The following DMXL2 variants were observed in gnomAD, a reference collection of about 807,000 sequenced individuals.
DMXL2 encodes the protein dmX-like protein 2.
A neutral mutation model predicts 331.1 loss-of-function variants in DMXL2; 103 were observed. The ratio of observed to expected loss-of-function variants is 0.31; its 90% CI spans 0.27 to 0.37. The LOEUF is 0.37. DMXL2 is among the 10% of genes least tolerant of loss of function. The probability of loss-of-function intolerance (pLI) is 1.00; values close to 1 mark genes in which losing one functional copy is unlikely to be tolerated. For missense variants in DMXL2, 3,171 were observed against 3,642.9 expected (o/e 0.87, Z 3.33); for synonymous variants, 1,281 against 1,252.1 (o/e 1.02, Z -0.49).
intron 16 of DMXL2, among the ~76,000 whole-genome samples, chr15:51,505,209 TTA>T (rs1178580751): frequency 6.6e-6 from 1 of 152,336 alleles, no homozygotes; most frequent in East Asian, 1.9e-4. Context: ...GGATACACTG[TTA>T]AATCTGCAGC....
At chr15:51,495,231 A>G in intron 18 of DMXL2, 97 bp from the exon 19 acceptor site, 1 of 683,460 alleles carries the variant, frequency 1.5e-6, no homozygotes, top group East Asian at 2.9e-5. Flanking sequence ...GTCATAATTT[A>G]TATAAAATAC....
intron 13 of DMXL2, among the ~76,000 whole-genome samples, chr15:51,527,182 A>G (rs1174239653): frequency 1.3e-5 from 2 of 152,184 alleles, no homozygotes; most frequent in Non-Finnish European, 2.9e-5. Flanking sequence ...GAGCTCCAAT[A>G]CGTCTGGCGG....
chr15:51,512,087 T>G (rs1462257297), intron 15 of DMXL2, among the ~76,000 whole-genome samples: 4 of 152,060 alleles, frequency 2.6e-5, no homozygotes, highest in African/African-American at 9.7e-5. Flanking sequence ...AAATACCTAA[T>G]GTAGATGATG....
chr15:51,455,174 C>A lies in DMXL2; in HGVS notation c.8581G>T (p.Ala2861Ser). The A allele has an allele frequency of 6.2e-7, 1 of 1,614,022 alleles. No individual in the cohort carries two copies. Among genetic ancestry groups the A allele is most frequent in the Non-Finnish European group, 8.5e-7 (1 of 1,179,920 alleles). ...FLSIWQVNQT[A>S]SNPKPYMSWQ... is the part of the protein sequence containing the mutation. ...ACCATATAAGGTTTAGGATTTGATGCAGTTTGGTTAACTTGCCAGATACTC... is the reference window on the plus strand; with the variant it reads ...ACCATATAAGGTTTAGGATTTGATGAAGTTTGGTTAACTTGCCAGATACTC... The change falls in exon 40 of 44, where the codon GCA becomes TCA. Residue 2861 changes from alanine (A) to serine (S), a missense_variant. Physicochemically the swap from Ala to Ser is moderately conservative, Grantham distance 99. Coordinates refer to ENST00000560891, the MANE Select transcript of DMXL2 (RefSeq NM_001378457.1).
intron 23 of DMXL2, among the ~76,000 whole-genome samples, chr15:51,482,866 T>C (rs1451679259): frequency 6.6e-6 from 1 of 152,094 alleles, no homozygotes; most frequent in Non-Finnish European, 1.5e-5. Flanking sequence ...ACCAAGGCAA[T>C]GAATAAACAG....
intron 4 of DMXL2, among the ~76,000 whole-genome samples, chr15:51,564,641 C>T (rs1019789306): frequency 3.9e-5 from 6 of 152,002 alleles, no homozygotes; most frequent in Admixed American, 6.6e-5. Flanking sequence ...TGGTTTTACA[C>T]ATGAAATATA....
At chr15:51,537,892 A>T in intron 10 of DMXL2, 133 bp from the exon 11 acceptor site, 1 of 1,136,414 alleles carries the variant, frequency 8.8e-7, no homozygotes. Flanking sequence ...AAAACAAAGG[A>T]AACTTTTGTC....
intron 43 of DMXL2, among the ~76,000 whole-genome samples, chr15:51,449,548 G>A (rs1407818755): frequency 6.6e-6 from 1 of 152,160 alleles, no homozygotes; most frequent in Non-Finnish European, 1.5e-5. Flanking sequence ...TACTTACGAT[G>A]GTTTGACAAG....
At position 51,573,313 on chromosome 15, in the gene DMXL2, A is replaced by C. The variant is rs1158680116; in HGVS notation, c.213+2743T>G. Among the ~76,000 whole-genome samples the C allele has an allele frequency of 3.3e-5, 5 of 152,214 alleles. No individual in the cohort carries two copies. The East Asian group carries it at 9.6e-4, about 29-fold the overall frequency. ...GAATTCCTCAAGGATCTAGAACCAGAAATACCATTTGACCCACCAATCCCA... is the reference window on the plus strand; with the variant it reads ...GAATTCCTCAAGGATCTAGAACCAGCAATACCATTTGACCCACCAATCCCA... On this transcript the variant is annotated intron_variant, in intron 2 of 43. Transcript: ENST00000560891.
intron 3 of DMXL2, among the ~76,000 whole-genome samples, chr15:51,566,728 T>C (rs1164814276): frequency 6.6e-6 from 1 of 152,236 alleles, no homozygotes. Context: ...TTTTAAGGCA[T>C]TTCACTTAAA....
intron 1 of DMXL2, among the ~76,000 whole-genome samples, chr15:51,581,820 G>A (rs1421694628): frequency 4.6e-5 from 7 of 152,124 alleles, no homozygotes; most frequent in East Asian, 1.9e-4. Context: ...TTAACATCCC[G>A]GAAGTTACAG....
chr15:51,607,506 G>C (rs1345636808), intron 1 of DMXL2, among the ~76,000 whole-genome samples: 1 of 152,104 alleles, frequency 6.6e-6, no homozygotes, highest in African/African-American at 2.4e-5. Flanking sequence ...AAAGGTATTA[G>C]TCACAGAAAT....
intron 33 of DMXL2, chr15:51,459,879 A>G: frequency 8.8e-7 from 1 of 1,141,938 alleles, no homozygotes; most frequent in Non-Finnish European, 1.1e-6. Flanking sequence ...CATAAACACA[A>G]GAACATAAAA....
At chr15:51,532,951 G>A (rs911613443) in intron 13 of DMXL2, among the ~76,000 whole-genome samples, 15 of 152,144 alleles carry the variant, frequency 9.9e-5, no homozygotes, top group African/African-American at 3.6e-4. Flanking sequence ...CCTAATATAT[G>A]CATTCAGCAA....
At chr15:51,520,209 A>T (rs16964389) in intron 13 of DMXL2, among the ~76,000 whole-genome samples, 8,607 of 152,034 alleles carry the variant, frequency 0.057, 679 homozygotes, top group African/African-American at 0.18. Context: ...CTTCACTTTC[A>T]TGTCTTACCC....
At chr15:51,494,993 T>C in intron 19 of DMXL2, 31 bp downstream of exon 19, 1 of 1,517,014 alleles carries the variant, frequency 6.6e-7, no homozygotes, top group Non-Finnish European at 9.1e-7. Context: ...AAGTAAAAGT[T>C]GTGCAAAGCT....
intron 6 of DMXL2, among the ~76,000 whole-genome samples, chr15:51,553,177 A>C (rs1188273013): frequency 1.3e-5 from 2 of 152,106 alleles, no homozygotes; most frequent in Admixed American, 1.3e-4. Flanking sequence ...GTCTTTCCTC[A>C]CCAGAAATTA....
At chr15:51,603,584 C>G (rs997169306) in intron 1 of DMXL2, 1 of 151,974 alleles carries the variant, frequency 6.6e-6, no homozygotes, top group Non-Finnish European at 1.5e-5. Context: ...GGACAAAATA[C>G]GGCCGGGCGC....
intron 14 of DMXL2, among the ~76,000 whole-genome samples, chr15:51,514,961 G>C (rs1358697545): frequency 6.6e-6 from 1 of 152,024 alleles, no homozygotes; most frequent in Admixed American, 6.6e-5. Context: ...AGACACACTA[G>C]ACTACTACAC....
Sources: allele counts gnomAD v4.1 joint callset (sites outside exome capture counted in the v4.1 genomes callset), GRCh38; gene constraint gnomAD v4.1.1; transcripts MANE v1.5; gene names NCBI Gene and HGNC (gene_info 2026-07-23, HGNC 2026-07-21).